Variants in TYW3 observed in about 807,000 individuals in gnomAD.
TYW3 encodes tRNA wybutosine-synthesizing protein 3 homolog.
TYW3 carries 26 observed loss-of-function variants against 23.1 expected under a neutral mutation model. That is an observed-to-expected ratio of 1.13 (90% CI 0.83 to 1.56). The LOEUF (loss-of-function observed/expected upper bound fraction) is 1.56. Ranked by LOEUF, TYW3 falls within the 40% of genes most tolerant of loss-of-function variation. The pLI is 0.00. For missense variants in TYW3, 316 were observed against 311.9 expected (o/e 1.01, Z -0.10); for synonymous variants, 102 against 105.7 (o/e 0.97, Z 0.21).
At chr1:74,745,179 A>G (rs777503758) in intron 3 of TYW3, among the ~76,000 whole-genome samples, 47 of 152,182 alleles carry the variant, frequency 3.1e-4, no homozygotes, top group Non-Finnish European at 5.3e-4. Context: ...CTCCGCAGTG[A>G]GTGTTACAGC....
chr1:74,757,735 G>A (rs767810662), intron 5 of TYW3, among the ~76,000 whole-genome samples: 10 of 152,198 alleles, frequency 6.6e-5, no homozygotes, highest in Non-Finnish European at 1.2e-4. Flanking sequence ...GTGAGGACAT[G>A]AGATTTGGGA....
intron 4 of TYW3, chr1:74,751,106 C>G (rs974643141): frequency 6.6e-6 from 1 of 152,114 alleles, no homozygotes; most frequent in Non-Finnish European, 1.5e-5. Flanking sequence ...GCCACCATGC[C>G]CGGCCCCTTC....
rs117508237 is a variant in TYW3 at position 74,756,394 on chromosome 1, T to C, written c.560+3969T>C. On this transcript the variant is annotated intron_variant, in intron 5 of 5. Transcript: ENST00000370867. ...ATGATATGGACAAGGAAATCCAGGCTGATGTAGTCTCAGATGGAGATGAGG... is the reference window on the plus strand; with the variant it reads ...ATGATATGGACAAGGAAATCCAGGCCGATGTAGTCTCAGATGGAGATGAGG... 3.7e-4 allele frequency among the ~76,000 whole-genome samples: 56 copies of C among 152,292 alleles called. 1 individual carries two copies. The East Asian group carries it at 9.5e-3, about 26-fold the overall frequency.
intron 3 of TYW3, among the ~76,000 whole-genome samples, chr1:74,742,827 G>A (rs1648411415): frequency 6.6e-6 from 1 of 152,226 alleles, no homozygotes; most frequent in Admixed American, 6.5e-5. Flanking sequence ...AACTGAGGAG[G>A]TAGGAGAAAT....
intron 5 of TYW3, among the ~76,000 whole-genome samples, chr1:74,757,001 G>A (rs778509991): frequency 3.9e-5 from 6 of 152,256 alleles, no homozygotes; most frequent in Non-Finnish European, 8.8e-5. Flanking sequence ...TCCATGTGGT[G>A]TTGAGCCTAC....
intron 5 of TYW3, among the ~76,000 whole-genome samples, chr1:74,753,774 A>G (rs1274287220): frequency 6.6e-6 from 1 of 152,204 alleles, no homozygotes; most frequent in African/African-American, 2.4e-5. Flanking sequence ...ATCACCATTC[A>G]GGCTTTCTCA....
intron 4 of TYW3, 71 bp from the exon 5 acceptor site, chr1:74,752,221 G>T (rs1648807598): frequency 6.8e-7 from 1 of 1,480,636 alleles, no homozygotes; most frequent in African/African-American, 1.4e-5. Context: ...GCCCTGACGG[G>T]ACTTTTCTTG....
chr1:74,748,973 AG>A, intron 4 of TYW3, 151 bp downstream of exon 4: 1 of 699,236 alleles, frequency 1.4e-6, no homozygotes, highest in Non-Finnish European at 2.4e-6. Context: ...TCCTTCCTAC[AG>A]GGCAAAGTCC....
At chr1:74,743,039 G>A (rs912285631) in intron 3 of TYW3, among the ~76,000 whole-genome samples, 4 of 152,194 alleles carry the variant, frequency 2.6e-5, no homozygotes, top group African/African-American at 9.6e-5. Flanking sequence ...CCTGAGTCCT[G>A]TTGTTGGGTC....
chr1:74,752,309 T>G lies in TYW3; in HGVS notation c.444T>G (p.His148Gln), dbSNP rs766177618. The change falls in exon 5 of 6, where the codon CAT (histidine) becomes CAG (glutamine). Residue 148 changes from histidine (H) to glutamine (Q), a missense_variant. Transcript: ENST00000370867. ...GKTMLAVRSTHGLEVPLSHKG... is the reference protein window; with the variant it reads ...GKTMLAVRSTQGLEVPLSHKG... ...CCTTGTAGGCTGTCCGGAGTACACA[T>G]GGCTTAGAAGTTCCATTAAGCCATA... 4 of 1,611,092 alleles carry G rather than the reference T, an allele frequency of 2.5e-6. No individual in the cohort carries two copies. In the East Asian group the frequency reaches 8.9e-5, roughly 36 times the overall value.
intron 3 of TYW3, among the ~76,000 whole-genome samples, chr1:74,744,792 A>T (rs1648499274): frequency 6.6e-6 from 1 of 152,176 alleles, no homozygotes; most frequent in South Asian, 2.1e-4. Flanking sequence ...GCAGATGTTC[A>T]GATGTGTCTG....
chr1:74,745,260 T>C (rs887635556), intron 3 of TYW3, among the ~76,000 whole-genome samples: 9 of 152,194 alleles, frequency 5.9e-5, no homozygotes. Flanking sequence ...AGAACAAAGC[T>C]TCCACAGCTT....
intron 2 of TYW3, 87 bp from the exon 3 acceptor site, chr1:74,738,603 A>T: frequency 1.2e-6 from 1 of 807,996 alleles, no homozygotes; most frequent in Non-Finnish European, 1.8e-6. Flanking sequence ...GAAAATTTCT[A>T]AGAGAAATTG....
rs755577941 is a variant in TYW3, at chr1:74,733,271, A to G, written c.27A>G (p.Lys9=). ...TGGATCGCAGCGCGGAGTTCAGGAA[A>G]TGGAAGGCGCAATGTTTGAGCAAAG... MDRSAEFR[K]WKAQCLSKAD... The change falls in exon 1 of 6, where the codon AAA becomes AAG. Residue 9 remains lysine, a synonymous_variant. Transcript: ENST00000370867. 14 of 1,614,156 alleles carry G rather than the reference A, an allele frequency of 8.7e-6. No individual in the cohort carries two copies. The highest frequency in any genetic ancestry group is 1.2e-5 in the Non-Finnish European group (14 of 1,180,014).
chr1:74,744,079 C>CT (rs1303916977), intron 3 of TYW3, among the ~76,000 whole-genome samples: 1 of 151,984 alleles, frequency 6.6e-6, no homozygotes, highest in Non-Finnish European at 1.5e-5. Context: ...TTGGAGATTT[C>CT]TTTGCTTGTT....
At chr1:74,737,707 A>C (rs1230289061) in intron 2 of TYW3, among the ~76,000 whole-genome samples, 2 of 152,204 alleles carry the variant, frequency 1.3e-5, no homozygotes, top group Non-Finnish European at 2.9e-5. Context: ...CGCAGGATAC[A>C]CTGTAACATG....
rs555835934 is a variant in TYW3, at chr1:74,740,378, C to T, written c.354+1590C>T. Among the ~76,000 whole-genome samples, 4 of 152,296 alleles carry T rather than the reference C, an allele frequency of 2.6e-5. No homozygotes were observed. In the South Asian group the frequency reaches 8.3e-4, roughly 32 times the overall value. The stretch of plus-strand genomic sequence containing the variant: ...ACAGCTCATAATGGTAATGCAGACC[C>T]AAAGACTGAGCAGCAGCAAGATTTA... On this transcript the variant is annotated intron_variant, in intron 3 of 5. Transcript: ENST00000370867.
chr1:74,760,201 C>T (rs1249956357), intron 5 of TYW3, among the ~76,000 whole-genome samples: 1 of 151,954 alleles, frequency 6.6e-6, no homozygotes, highest in Non-Finnish European at 1.5e-5. Flanking sequence ...CTTGAGTAGG[C>T]TGAGGAAGAG....
At chr1:74,761,483 A>G (rs1159404232) in intron 5 of TYW3, among the ~76,000 whole-genome samples, 1 of 152,082 alleles carries the variant, frequency 6.6e-6, no homozygotes, top group Non-Finnish European at 1.5e-5. Flanking sequence ...GGAAGAAAGT[A>G]TAATCCAGAA....
Sources: allele counts gnomAD v4.1 joint callset (sites outside exome capture counted in the v4.1 genomes callset), GRCh38; gene constraint gnomAD v4.1.1; transcripts MANE v1.5; gene names NCBI Gene and HGNC (gene_info 2026-07-23, HGNC 2026-07-21).